Variants in PRKN observed in about 807,000 individuals in gnomAD.
PRKN encodes the protein parkin RBR E3 ubiquitin protein ligase.
In PRKN, 56 loss-of-function variants were observed where a neutral mutation model predicts 59.5. The ratio of observed to expected loss-of-function variants is 0.94; its 90% CI spans 0.76 to 1.18. The LOEUF is 1.18. PRKN is among the 50% of genes most tolerant of loss of function. The pLI, the probability that PRKN is intolerant of heterozygous loss-of-function variation, is 0.00. For synonymous variants in PRKN, 250 were observed against 222.1 expected, an observed-to-expected ratio of 1.13 and a Z score of -1.12; for missense variants, 657 against 596.4, an observed-to-expected ratio of 1.10 and a Z score of -1.06.
At position 161,689,936 on chromosome 6, in the gene PRKN, C is replaced by A. The variant is rs1785716207; in HGVS notation, c.871+95836G>T. On this transcript the variant is annotated intron_variant, in intron 7 of 11. Coordinates refer to ENST00000366898, the MANE Select transcript of PRKN (RefSeq NM_004562.3). ...TGTTGGCCAGGCTGGTCTCGAGCTC[C>A]TGACCTCAAGGGATACACGCCCGCC... Among the ~76,000 whole-genome samples the A allele has an allele frequency of 4.1e-5, 3 of 73,296 alleles. No homozygotes were observed. In the South Asian group the frequency reaches 1.8e-3, roughly 43 times the overall value. 48.1% of individuals were successfully genotyped at this position (73,296 alleles called of 152,430 possible).
At chr6:162,079,152 C>A (rs1893552) in intron 4 of PRKN, among the ~76,000 whole-genome samples, 123,001 of 152,018 alleles carry the variant, frequency 0.81, 49,959 homozygotes, top group Admixed American at 0.88. Context: ...GCTCCACAGC[C>A]CCTGACAGCA....
At chr6:161,591,946 A>G (rs909557657) in intron 7 of PRKN, among the ~76,000 whole-genome samples, 2 of 152,104 alleles carry the variant, frequency 1.3e-5, no homozygotes, top group Admixed American at 6.5e-5. Flanking sequence ...TCCAAGGAGT[A>G]TTGATTCCAC....
In PRKN at chr6:162,073,516, G is replaced by C. The variant is rs1228500136; in HGVS notation, c.535-19342C>G. Among the ~76,000 whole-genome samples the C allele has an allele frequency of 2.6e-5, 4 of 152,234 alleles. No homozygotes were observed. The East Asian group carries it at 7.7e-4, about 29-fold the overall frequency. On this transcript the variant is annotated intron_variant, in intron 4 of 11. Coordinates refer to ENST00000366898, the MANE Select transcript of PRKN (RefSeq NM_004562.3). ...CACCCAGGCTTGAGTGCAGTGGCAC[G>C]ATATGGCTCACTGCAGCCAAAACCT... is the stretch of plus-strand genomic sequence containing the variant.
intron 4 of PRKN, among the ~76,000 whole-genome samples, chr6:162,199,129 G>A (rs1267387609): frequency 2.6e-5 from 4 of 151,566 alleles, no homozygotes; most frequent in African/African-American, 4.9e-5. Flanking sequence ...GCCCCCTACT[G>A]CCCACATCTA....
At chr6:161,940,782 G>C (rs76377272) in intron 6 of PRKN, among the ~76,000 whole-genome samples, 1,925 of 152,296 alleles carry the variant, frequency 0.013, 44 homozygotes, top group African/African-American at 0.042. Context: ...GGTACATTCA[G>C]GCTCCCTGCA....
At chr6:162,633,241 CTGGCCGACG>C (rs1777581476) in intron 1 of PRKN, among the ~76,000 whole-genome samples, 1 of 151,714 alleles carries the variant, frequency 6.6e-6, no homozygotes, top group Non-Finnish European at 1.5e-5. Context: ...CGAGACCAGC[CTGGCCGACG>C]TGGTGAAACC....
chr6:162,201,284 T>A, intron 3 of PRKN, 32 bp from the exon 4 acceptor site: 1 of 1,610,364 alleles, frequency 6.2e-7, no homozygotes. Flanking sequence ...AAGTGGCTAA[T>A]AATGCTGCAT....
At chr6:161,716,580 G>A (rs1255778563) in intron 7 of PRKN, among the ~76,000 whole-genome samples, 1 of 152,146 alleles carries the variant, frequency 6.6e-6, no homozygotes, top group East Asian at 1.9e-4. Flanking sequence ...TACCTATTGT[G>A]TTTAAGGGAT....
intron 3 of PRKN, among the ~76,000 whole-genome samples, chr6:162,205,527 G>T (rs1421475173): frequency 3.3e-5 from 5 of 151,994 alleles, no homozygotes; most frequent in African/African-American, 9.7e-5. Flanking sequence ...TTCTAGGTGG[G>T]GAGAGAGTAA....
chr6:161,775,247 ATTC>A (rs1164591102), intron 7 of PRKN, among the ~76,000 whole-genome samples: 1 of 151,824 alleles, frequency 6.6e-6, no homozygotes, highest in Non-Finnish European at 1.5e-5. Context: ...TAAGTTAGCA[ATTC>A]TTTTTTTTTT....
chr6:162,516,527 G>A (rs568559457), intron 1 of PRKN, among the ~76,000 whole-genome samples: 40 of 152,188 alleles, frequency 2.6e-4, no homozygotes, highest in African/African-American at 9.1e-4. Context: ...CGAGGTGGGC[G>A]GATCACTTGA....
In PRKN at chr6:161,360,131, G is replaced by A. The variant is rs752038413; in HGVS notation, c.1242C>T (p.Thr414=). Residue 414 remains threonine, a synonymous_variant, in exon 11 of 12, where the codon ACC becomes ACT. Coordinates refer to ENST00000366898, the MANE Select transcript of PRKN (RefSeq NM_004562.3). This position sits in a 1 kb window ranked among gnomAD's most constrained non-coding sequence, Gnocchi z 5.1. The part of the protein sequence containing the change: ...EAASKETIKK[T]TKPCPRCHVP... ...CATGGCAGCGGGGACAGGGCTTGGT[G>A]GTTTTCTTGATGGTTTCTTTGGAGG... 20 of 1,614,048 alleles carry A rather than the reference G, an allele frequency of 1.2e-5. No homozygotes were observed. The highest frequency in any genetic ancestry group is 1.6e-4 in the Middle Eastern group (1 of 6,084).
Position 161,701,282 on chromosome 6 carries a change from T to C in PRKN, c.871+84490A>G, listed in dbSNP as rs144432067. 4.4e-3 allele frequency among the ~76,000 whole-genome samples: 664 copies of C among 152,330 alleles called. 5 individuals carry two copies. The highest frequency in any genetic ancestry group is 0.015 in the African/African-American group (631 of 41,578). ...TATGCCTTTCAATTTTGAAACACAG[T>C]TTCCATTGTGTGTGACCCATTATGT... On this transcript the variant is annotated intron_variant, in intron 7 of 11. Coordinates refer to ENST00000366898, the MANE Select transcript of PRKN (RefSeq NM_004562.3).
intron 10 of PRKN, among the ~76,000 whole-genome samples, chr6:161,374,489 G>T (rs555881862): frequency 6.7e-6 from 1 of 149,652 alleles, no homozygotes; most frequent in East Asian, 2.0e-4. Flanking sequence ...TGTGTGGTGT[G>T]TGTGGTGTGT....
chr6:162,704,124 G>T (rs1778255946), intron 1 of PRKN, among the ~76,000 whole-genome samples: 1 of 152,154 alleles, frequency 6.6e-6, no homozygotes, highest in African/African-American at 2.4e-5. Flanking sequence ...TAAAGTGTGA[G>T]GACAATGGCA....
At position 162,378,563 on chromosome 6, in the gene PRKN, G is replaced by A. The variant is rs558752795; in HGVS notation, c.171+64747C>T. ...TTAAGGCATGATTATTCAAGCTTTC[G>A]TCTGCTATAGTTAGTCTTGTATTTT... On this transcript the variant is annotated intron_variant, in intron 2 of 11. Transcript: ENST00000366898. 3.9e-5 allele frequency among the ~76,000 whole-genome samples: 6 copies of A among 152,310 alleles called. No homozygotes were observed. The South Asian group carries it at 6.2e-4, about 16-fold the overall frequency.
chr6:161,432,951 A>G (rs1210107338), intron 9 of PRKN, among the ~76,000 whole-genome samples: 1 of 152,192 alleles, frequency 6.6e-6, no homozygotes, highest in African/African-American at 2.4e-5. Flanking sequence ...ATCCTCATAA[A>G]ACCTTTATGG....
chr6:162,276,328 T>C (rs1780636395), intron 2 of PRKN, among the ~76,000 whole-genome samples: 1 of 152,160 alleles, frequency 6.6e-6, no homozygotes, highest in African/African-American at 2.4e-5. Flanking sequence ...AATGATACCA[T>C]TAAATTGATT....
chr6:162,278,205 C>T (rs188498922), intron 2 of PRKN, among the ~76,000 whole-genome samples: 1 of 152,100 alleles, frequency 6.6e-6, no homozygotes, highest in Non-Finnish European at 1.5e-5. Flanking sequence ...TTGAAAAGGC[C>T]ACATGTTGTA....
Sources: gnomAD v4.1 joint callset for allele counts (sites outside exome capture counted in the v4.1 genomes callset) on GRCh38, gnomAD v4.1.1 for gene constraint, Gnocchi (gnomAD v3.1) non-coding constraint, MANE v1.5 for transcripts, NCBI Gene and HGNC (gene_info 2026-07-23, HGNC 2026-07-21) for gene names.